The following PTPRD variants were observed in gnomAD, a reference collection of about 807,000 sequenced individuals.
The protein encoded by PTPRD is protein tyrosine phosphatase receptor type D, also known as receptor-type tyrosine-protein phosphatase delta.
PTPRD carries 34 observed loss-of-function variants against 214.5 expected under a neutral mutation model. The ratio of observed to expected loss-of-function variants is 0.16; its 90% CI spans 0.12 to 0.21. The LOEUF is 0.21. Ranked by LOEUF, PTPRD falls within the 10% of genes least tolerant of loss-of-function variation. The pLI, the probability that PTPRD is intolerant of heterozygous loss-of-function variation, is 1.00. For missense variants in PTPRD, 2,545 were observed against 2,398.7 expected, an observed-to-expected ratio of 1.06 and a Z score of -1.27; for synonymous variants, 1,128 against 845.7, an observed-to-expected ratio of 1.33 and a Z score of -5.79.
intron 3 of PTPRD, among the ~76,000 whole-genome samples, chr9:10,135,015 A>G (rs1225910184): frequency 1.3e-5 from 2 of 152,122 alleles, no homozygotes; most frequent in African/African-American, 4.8e-5. Flanking sequence ...TGACATAGCA[A>G]TTTTTTAAAA....
intron 7 of PTPRD, among the ~76,000 whole-genome samples, chr9:9,679,268 A>G (rs2097011410): frequency 6.6e-6 from 1 of 151,542 alleles, no homozygotes; most frequent in Non-Finnish European, 1.5e-5. Context: ...CCCTTCACAC[A>G]CAAGCGCTTT....
At chr9:9,465,861 G>A (rs1199065171) in intron 8 of PTPRD, among the ~76,000 whole-genome samples, 1 of 152,112 alleles carries the variant, frequency 6.6e-6, no homozygotes, top group Non-Finnish European at 1.5e-5. Flanking sequence ...TATTAGCCAT[G>A]TGCTGGATCT....
Position 8,500,741 on chromosome 9 carries a change from G to A in PTPRD, c.2128+13C>T, listed in dbSNP as rs767212653. 12 of 1,612,982 alleles carry A rather than the reference G, an allele frequency of 7.4e-6. No homozygotes were observed. The highest frequency in any genetic ancestry group is 2.2e-5 in the East Asian group (1 of 44,864). ...TCAGAAGGGTGCAAACTGACGTAGC[G>A]GAGGCAACATACCATCTTCATTGGT... On this transcript the variant is annotated intron_variant, in intron 24 of 45. Coordinates refer to ENST00000381196, the MANE Select transcript of PTPRD (RefSeq NM_002839.4).
chr9:8,549,146 C>T (rs1030890612), intron 14 of PTPRD, among the ~76,000 whole-genome samples: 7 of 152,040 alleles, frequency 4.6e-5, no homozygotes, highest in African/African-American at 1.4e-4. Flanking sequence ...AGTCTATGTG[C>T]GGATATAACA....
intron 8 of PTPRD, among the ~76,000 whole-genome samples, chr9:9,446,629 G>A (rs549388572): frequency 2.0e-5 from 3 of 151,960 alleles, no homozygotes; most frequent in South Asian, 4.1e-4. Flanking sequence ...GCCACAGAAG[G>A]GAACACAATA....
At chr9:10,290,105 C>G (rs1471446105) in intron 3 of PTPRD, among the ~76,000 whole-genome samples, 1 of 151,984 alleles carries the variant, frequency 6.6e-6, no homozygotes, top group Non-Finnish European at 1.5e-5. Flanking sequence ...AATCATTATC[C>G]AGGAGCTTCC....
At chr9:9,796,696 T>A (rs1212772307) in intron 5 of PTPRD, among the ~76,000 whole-genome samples, 4 of 152,166 alleles carry the variant, frequency 2.6e-5, no homozygotes, top group African/African-American at 7.2e-5. Flanking sequence ...AAGCTGAATT[T>A]GGAAGGTAAA....
chr9:10,396,978 A>G (rs73404282), intron 2 of PTPRD, among the ~76,000 whole-genome samples: 1 of 151,964 alleles, frequency 6.6e-6, no homozygotes, highest in African/African-American at 2.4e-5. Flanking sequence ...TGCAGGTCAC[A>G]TACCTAGCTA....
intron 2 of PTPRD, among the ~76,000 whole-genome samples, chr9:10,351,641 A>G (rs1004037916): frequency 1.3e-5 from 2 of 149,482 alleles, no homozygotes; most frequent in African/African-American, 4.9e-5. Context: ...AGAGGTTAGT[A>G]CCTCTCATAT....
At chr9:9,342,276 T>A (rs574429010) in intron 9 of PTPRD, among the ~76,000 whole-genome samples, 1 of 152,314 alleles carries the variant, frequency 6.6e-6, no homozygotes, top group South Asian at 2.1e-4. Context: ...CATATTTTCA[T>A]GTAGTATTTC....
At chr9:10,551,758 T>G (rs576048235) in intron 2 of PTPRD, among the ~76,000 whole-genome samples, 1 of 152,282 alleles carries the variant, frequency 6.6e-6, no homozygotes, top group African/African-American at 2.4e-5. Flanking sequence ...CTTCCCACTA[T>G]TGCTTCCAGA....
At chr9:9,009,572 A>C (rs549335057) in intron 11 of PTPRD, among the ~76,000 whole-genome samples, 2 of 151,976 alleles carry the variant, frequency 1.3e-5, no homozygotes, top group African/African-American at 4.8e-5. Flanking sequence ...GTTGGTATGG[A>C]GAAAAAAAAA....
intron 3 of PTPRD, among the ~76,000 whole-genome samples, chr9:10,295,899 G>C: frequency 6.6e-6 from 1 of 151,994 alleles, no homozygotes; most frequent in Non-Finnish European, 1.5e-5. Context: ...AGATGGAAGG[G>C]AGAGCAATTA....
chr9:9,798,769 T>C (rs2099020171), intron 5 of PTPRD, among the ~76,000 whole-genome samples: 1 of 152,144 alleles, frequency 6.6e-6, no homozygotes, highest in South Asian at 2.1e-4. Context: ...AAATGACTGA[T>C]TTATGAAGCA....
At chr9:8,354,105 T>C (rs2076372662) in intron 39 of PTPRD, among the ~76,000 whole-genome samples, 1 of 151,416 alleles carries the variant, frequency 6.6e-6, no homozygotes, top group Non-Finnish European at 1.5e-5. Context: ...ACATAATAAA[T>C]TGAAATTTTT....
chr9:9,430,948 T>G (rs973126483), intron 8 of PTPRD, among the ~76,000 whole-genome samples: 1 of 152,004 alleles, frequency 6.6e-6, no homozygotes, highest in African/African-American at 2.4e-5. Context: ...ACCATAAAAA[T>G]CTTAGAAGAA....
intron 7 of PTPRD, among the ~76,000 whole-genome samples, chr9:9,653,947 A>T (rs904084242): frequency 1.3e-5 from 2 of 152,108 alleles, no homozygotes; most frequent in African/African-American, 2.4e-5. Flanking sequence ...TTATATATAA[A>T]CTTTTTTATT....
intron 2 of PTPRD, among the ~76,000 whole-genome samples, chr9:10,564,204 G>C (rs1366550066): frequency 1.0e-4 from 3 of 29,368 alleles, no homozygotes; most frequent in Non-Finnish European, 1.2e-4. Context: ...TTGAGACATA[G>C]GGGTTTCCCT....
chr9:9,922,952 TTCTA>T (rs2083009455), intron 5 of PTPRD, among the ~76,000 whole-genome samples: 2 of 67,410 alleles, frequency 3.0e-5, no homozygotes, highest in South Asian at 9.2e-4. Context: ...ACTGCTAGTA[TTCTA>T]ATTCTATCAA....
Sources: gnomAD v4.1 joint callset for allele counts (sites outside exome capture counted in the v4.1 genomes callset) on GRCh38, gnomAD v4.1.1 for gene constraint, MANE v1.5 for transcripts, NCBI Gene and HGNC (gene_info 2026-07-23, HGNC 2026-07-21) for gene names.